The following FAM110B variants were observed in gnomAD, a reference collection of about 807,000 sequenced individuals.
FAM110B encodes protein FAM110B.
A neutral mutation model predicts 20.4 loss-of-function variants in FAM110B; 6 were observed. The observed-to-expected ratio is 0.29, with a 90% CI of 0.16 to 0.58. The LOEUF is 0.58. Ranked by LOEUF, FAM110B falls within the 20% of genes least tolerant of loss-of-function variation. The pLI is 0.90. For missense variants in FAM110B, 434 were observed against 498.2 expected (o/e 0.87, Z 1.23); for synonymous variants, 226 against 214.1 (o/e 1.06, Z -0.49).
chr8:58,136,481 G>A (rs1354827165), intron 3 of FAM110B, among the ~76,000 whole-genome samples: 1 of 152,108 alleles, frequency 6.6e-6, no homozygotes, highest in East Asian at 1.9e-4. Flanking sequence ...GCAGAAAGGG[G>A]GATCATTTTA....
intron 3 of FAM110B, chr8:58,113,503 T>A: frequency 5.3e-6 from 1 of 189,178 alleles, no homozygotes; most frequent in Admixed American, 5.0e-5. Flanking sequence ...ACTGTACTTC[T>A]GTGTCAGCTC....
rs376140233 is a variant in FAM110B, at chr8:58,147,606, A to G, written c.*263A>G. The G allele has an allele frequency of 2.1e-6, 1 of 478,728 alleles. No homozygotes were observed. The highest frequency in any genetic ancestry group is 3.8e-6 in the Non-Finnish European group (1 of 260,232). The allele number at this position is 478,728 out of a possible 1,614,324, so 29.7% of individuals were successfully genotyped here. On this transcript the variant is annotated 3_prime_UTR_variant, in exon 4 of 4. Coordinates refer to ENST00000519262, the MANE Select transcript of FAM110B (RefSeq NM_001377989.1). The stretch of plus-strand genomic sequence containing the variant: ...TTTGCTCGTAAGCAAAACTGTTTAC[A>G]TGAAAATGGTATACAACTTCTTCGA...
intron 3 of FAM110B, among the ~76,000 whole-genome samples, chr8:58,130,408 A>T (rs186902192): frequency 6.6e-6 from 1 of 152,332 alleles, no homozygotes; most frequent in Admixed American, 6.5e-5. Context: ...AAGGTCATGC[A>T]GTGGTAAATG....
At chr8:58,005,073 A>T (rs1334236328) in intron 1 of FAM110B, among the ~76,000 whole-genome samples, 1 of 152,178 alleles carries the variant, frequency 6.6e-6, no homozygotes, top group East Asian at 1.9e-4. Flanking sequence ...GTGGCTTTTG[A>T]CATGCCTTCC....
At chr8:58,089,749 C>T (rs1806428223) in intron 3 of FAM110B, among the ~76,000 whole-genome samples, 1 of 152,148 alleles carries the variant, frequency 6.6e-6, no homozygotes, top group African/African-American at 2.4e-5. Flanking sequence ...TCACATAGCT[C>T]TTATTTATTT....
Position 58,146,156 on chromosome 8 carries a change from A to G in FAM110B, c.-75A>G. On this transcript the variant is annotated 5_prime_UTR_variant, in exon 4 of 4. Coordinates refer to ENST00000519262, the MANE Select transcript of FAM110B (RefSeq NM_001377989.1). ...ACCCGCCGCCCTTGGCGCTTCATGTACATGTGTCTATTCAGGCCTTGCGGA... is the reference window on the plus strand; with the variant it reads ...ACCCGCCGCCCTTGGCGCTTCATGTGCATGTGTCTATTCAGGCCTTGCGGA... 6.7e-7 allele frequency: 1 copy of G among 1,499,548 alleles called. No homozygotes were observed. Among genetic ancestry groups the G allele is most frequent in the South Asian group, 1.4e-5 (1 of 73,998 alleles). The allele number at this position is 1,499,548 out of a possible 1,614,324, so 92.9% of individuals were successfully genotyped here. A position where few individuals can be genotyped will look rare whatever the true frequency, so the allele number is the denominator to read the frequency against.
intron 1 of FAM110B, among the ~76,000 whole-genome samples, chr8:57,997,790 A>G (rs1483159623): frequency 6.6e-6 from 1 of 152,206 alleles, no homozygotes; most frequent in East Asian, 1.9e-4. Context: ...GTTCATAATA[A>G]CAGTTATCTC....
chr8:58,021,277 G>A (rs1368554196), intron 1 of FAM110B, among the ~76,000 whole-genome samples: 4 of 152,094 alleles, frequency 2.6e-5, no homozygotes, highest in Admixed American at 2.0e-4. Flanking sequence ...AAAATCTGTG[G>A]TATCTGTGCT....
chr8:58,133,128 G>T (rs757713088), intron 3 of FAM110B, among the ~76,000 whole-genome samples: 1 of 151,402 alleles, frequency 6.6e-6, no homozygotes, highest in East Asian at 1.9e-4. Flanking sequence ...ATTTTTTAAA[G>T]TATTGATCAG....
chr8:58,008,944 T>C (rs1051914877), intron 1 of FAM110B, among the ~76,000 whole-genome samples: 7 of 152,226 alleles, frequency 4.6e-5, no homozygotes, highest in Non-Finnish European at 1.0e-4. Flanking sequence ...CTGGCTCCTC[T>C]CTATTTCTGG....
chr8:58,148,479 C>T lies in FAM110B; in HGVS notation c.*1136C>T, dbSNP rs1803924123. ...ACAATGCTATGTAGCTTTTCCACCCCATGGTCTCTAGTGCTGCCTATCAAC... is the reference window on the plus strand; with the variant it reads ...ACAATGCTATGTAGCTTTTCCACCCTATGGTCTCTAGTGCTGCCTATCAAC... On this transcript the variant is annotated 3_prime_UTR_variant, in exon 4 of 4. Transcript: ENST00000519262. 1 of 167,094 alleles carries T rather than the reference C, an allele frequency of 6.0e-6. No homozygotes were observed. The highest frequency in any genetic ancestry group is 2.4e-5 in the African/African-American group (1 of 41,444). 10.4% of individuals were successfully genotyped at this position (167,094 alleles called of 1,614,324 possible). A position where few individuals can be genotyped will look rare whatever the true frequency, so the allele number is the denominator to read the frequency against.
chr8:58,082,419 A>G (rs1224994733), intron 3 of FAM110B, among the ~76,000 whole-genome samples: 1 of 152,186 alleles, frequency 6.6e-6, no homozygotes, highest in Non-Finnish European at 1.5e-5. Context: ...TCTCCCTCCC[A>G]TGTTGGCTTC....
chr8:58,070,043 C>T (rs190522401), intron 2 of FAM110B, among the ~76,000 whole-genome samples: 26 of 152,288 alleles, frequency 1.7e-4, no homozygotes, highest in Admixed American at 1.2e-3. Flanking sequence ...GCTCCAATGG[C>T]TCTGTGCTAG....
Position 58,078,651 on chromosome 8 carries a change from C to T in FAM110B, c.-325+3028C>T, listed in dbSNP as rs1475459069. Reference sequence around the variant, plus strand: ...CTGCAAGCTCCGCCTTCCAGGTTCACGCCATTCTCCTGCCTCAGCCTCCCA... The same window carrying T: ...CTGCAAGCTCCGCCTTCCAGGTTCATGCCATTCTCCTGCCTCAGCCTCCCA... On this transcript the variant is annotated intron_variant, in intron 3 of 3. Coordinates refer to ENST00000519262, the MANE Select transcript of FAM110B (RefSeq NM_001377989.1). Among the ~76,000 whole-genome samples the T allele has an allele frequency of 4.0e-5, 6 of 149,116 alleles. No individual in the cohort carries two copies. In the South Asian group the frequency reaches 6.5e-4, roughly 16 times the overall value.
At chr8:58,004,932 G>A (rs996134286) in intron 1 of FAM110B, among the ~76,000 whole-genome samples, 9 of 152,222 alleles carry the variant, frequency 5.9e-5, no homozygotes, top group East Asian at 1.9e-4. Flanking sequence ...CCCGAGAAGC[G>A]ATAAGGCTGT....
chr8:58,018,576 C>T (rs1406681397), intron 1 of FAM110B, among the ~76,000 whole-genome samples: 1 of 151,994 alleles, frequency 6.6e-6, no homozygotes, highest in African/African-American at 2.4e-5. Flanking sequence ...TCCCTTTTAA[C>T]TGAGGGGTTT....
intron 3 of FAM110B, among the ~76,000 whole-genome samples, chr8:58,105,955 A>G (rs1271732351): frequency 1.3e-5 from 2 of 152,134 alleles, no homozygotes; most frequent in East Asian, 1.9e-4. Context: ...TCAACTTTGA[A>G]TGTTTATGCA....
chr8:58,036,615 G>A (rs1475256146), intron 2 of FAM110B, among the ~76,000 whole-genome samples: 1 of 152,196 alleles, frequency 6.6e-6, no homozygotes, highest in South Asian at 2.1e-4. Flanking sequence ...CCAAAGAGTA[G>A]TTAAGGTGCT....
At chr8:58,078,614 G>A (rs1433575403) in intron 3 of FAM110B, among the ~76,000 whole-genome samples, 2 of 143,810 alleles carry the variant, frequency 1.4e-5, no homozygotes, top group African/African-American at 2.6e-5. Flanking sequence ...GCAGTGGTGC[G>A]ATCTCGGCTC....
Sources: allele counts gnomAD v4.1 joint callset (sites outside exome capture counted in the v4.1 genomes callset), GRCh38; gene constraint gnomAD v4.1.1; transcripts MANE v1.5; gene names NCBI Gene and HGNC (gene_info 2026-07-23, HGNC 2026-07-21).